NPC1: variants seen among roughly 807,000 people sequenced by gnomAD.
The protein encoded by NPC1 is NPC intracellular cholesterol transporter 1.
NPC1 carries 85 observed loss-of-function variants against 140.4 expected under a neutral mutation model. The observed-to-expected ratio is 0.61, with a 90% confidence interval of 0.51 to 0.72. The LOEUF is 0.72. NPC1 is among the 30% of genes least tolerant of loss of function. The pLI is 0.00. For missense variants in NPC1, 1,504 were observed against 1,623.8 expected (o/e 0.93, Z 1.27); for synonymous variants, 656 against 624.8 (o/e 1.05, Z -0.74).
chr18:23,519,160 C>T (rs781241792), downstream of NPC1: 2 of 1,613,908 alleles, frequency 1.2e-6, no homozygotes, highest in South Asian at 2.2e-5. Flanking sequence ...AGTCGTGCAT[C>T]ATCAGGATAC....
At chr18:23,515,775 C>T (rs975808974) in intron 3 of NPC1, 42 of 1,546,218 alleles carry the variant, frequency 2.7e-5, no homozygotes, top group East Asian at 4.5e-5. Flanking sequence ...TCAGGTGATC[C>T]GCCCACCTTA....
intron 4 of NPC1, among the ~76,000 whole-genome samples, chr18:23,566,597 TAC>T (rs113221621): frequency 4.4e-5 from 6 of 136,960 alleles, no homozygotes; most frequent in East Asian, 2.3e-4. Flanking sequence ...ATAAAATACT[TAC>T]ACACACACAC....
chr18:23,571,667 AAT>A (rs1330869750), intron 3 of NPC1, among the ~76,000 whole-genome samples: 3 of 136,482 alleles, frequency 2.2e-5, no homozygotes, highest in African/African-American at 5.6e-5. Flanking sequence ...AAAAAAAAAA[AAT>A]AAAGAAAAAC....
At chr18:23,571,697 G>A (rs1451195503) in intron 3 of NPC1, among the ~76,000 whole-genome samples, 2 of 151,066 alleles carry the variant, frequency 1.3e-5, no homozygotes. Flanking sequence ...AAATTAGCTA[G>A]ACATGGTAGT....
intron 5 of NPC1, among the ~76,000 whole-genome samples, chr18:23,561,116 A>G (rs2059032193): frequency 6.6e-6 from 1 of 152,150 alleles, no homozygotes; most frequent in Admixed American, 6.5e-5. Flanking sequence ...GACCCACGCA[A>G]TCCTCCTGCC....
At chr18:23,532,416 A>G (rs2058542596) in intron 24 of NPC1, 132 bp from the exon 25 acceptor site, 2 of 921,192 alleles carry the variant, frequency 2.2e-6, no homozygotes, top group Admixed American at 1.8e-5. Flanking sequence ...AGCCTGGACA[A>G]CAGAGTGAGA....
In NPC1 at chr18:23,532,288, TGA is replaced by T. The variant is rs760529810; in HGVS notation, c.3755-6_3755-5del. 55 of 1,613,848 alleles carry T rather than the reference TGA, an allele frequency of 3.4e-5. No homozygotes were observed. The African/African-American group carries it at 3.6e-4, about 11-fold the overall frequency. ...TTGGCTTTATTTACTGATGGCCCTA[TGA>T]GAGAGAGAGACTTTTTCTTATTTCT... is the stretch of plus-strand genomic sequence containing the variant. On this transcript the variant is annotated splice_polypyrimidine_tract_variant and splice_region_variant and intron_variant, in intron 24 of 24. Coordinates refer to ENST00000269228, the MANE Select transcript of NPC1 (RefSeq NM_000271.5).
rs1278709702 is a variant in NPC1 at position 23,540,437 on chromosome 18, A to G, written c.2604+11T>C. ...GAAGTTAAAAAAAAAAAAAAAAGGA[A>G]GTCATCTTACATCTGGCATCGAAAG... On this transcript the variant is annotated intron_variant, in intron 17 of 24. Coordinates refer to ENST00000269228, the MANE Select transcript of NPC1 (RefSeq NM_000271.5). 5.3e-6 allele frequency: 8 copies of G among 1,517,362 alleles called. No homozygotes were observed. Among genetic ancestry groups the G allele is most frequent in the Non-Finnish European group, 7.3e-6 (8 of 1,101,810 alleles). 94.0% of individuals were successfully genotyped at this position (1,517,362 alleles called of 1,614,324 possible). A position where few individuals can be genotyped will look rare whatever the true frequency, so the allele number is the denominator to read the frequency against.
intron 16 of NPC1, 107 bp downstream of exon 16, chr18:23,540,961 T>C: frequency 7.5e-7 from 1 of 1,327,916 alleles, no homozygotes; most frequent in Non-Finnish European, 1.1e-6. Flanking sequence ...TTTAGATACA[T>C]TTTAACAGCT....
chr18:23,570,079 ACTCT>A (rs991017209), intron 3 of NPC1, among the ~76,000 whole-genome samples: 5 of 152,282 alleles, frequency 3.3e-5, no homozygotes, highest in South Asian at 2.1e-4. Context: ...AGAAGCACAG[ACTCT>A]CTTTCTTTCA....
rs60274895 is a variant in NPC1, at chr18:23,564,350, T to C, written c.464-2823A>G. ...TATACAATTTGCAAATATATTCTTG[T>C]CCTTTTTTTTGAGACAGAGTCTCAC... On this transcript the variant is annotated intron_variant, in intron 4 of 24. Transcript: ENST00000269228. 1.1e-4 allele frequency among the ~76,000 whole-genome samples: 16 copies of C among 151,838 alleles called. No homozygotes were observed. In the East Asian group the frequency reaches 2.9e-3, roughly 28 times the overall value.
At chr18:23,575,108 C>G (rs931207774) in intron 1 of NPC1, among the ~76,000 whole-genome samples, 2 of 152,232 alleles carry the variant, frequency 1.3e-5, no homozygotes, top group African/African-American at 4.8e-5. Context: ...GCCTCAGGGG[C>G]ACTCTGGCTG....
At chr18:23,533,608 G>A (rs2058576512) in intron 23 of NPC1, 91 bp from the exon 24 acceptor site, 1 of 1,270,950 alleles carries the variant, frequency 7.9e-7, no homozygotes, top group African/African-American at 1.5e-5. Flanking sequence ...CCAGGTTCAA[G>A]TGATTCTCCT....
downstream of NPC1, chr18:23,529,045 T>C (rs372928584): frequency 7.8e-6 from 11 of 1,414,252 alleles, no homozygotes; most frequent in African/African-American, 1.4e-4. Flanking sequence ...GAAAAAGTTG[T>C]ATCTAAGTAG....
downstream of NPC1, chr18:23,520,229 C>T (rs780368046): frequency 2.5e-5 from 40 of 1,613,910 alleles, no homozygotes; most frequent in Middle Eastern, 1.6e-4. Flanking sequence ...TATCAAGTTA[C>T]GGGGAGAGTT....
chr18:23,531,455 G>A lies in NPC1; in HGVS notation c.*747C>T. On this transcript the variant is annotated 3_prime_UTR_variant, in exon 25 of 25. Coordinates refer to ENST00000269228, the MANE Select transcript of NPC1 (RefSeq NM_000271.5). Reference sequence around the variant, plus strand: ...GGTTAGATAGAATCTCTTCCATTTAGCTTTTGTATTTGTCTCTCAAAGCAG... The same window carrying A: ...GGTTAGATAGAATCTCTTCCATTTAACTTTTGTATTTGTCTCTCAAAGCAG... 7.5e-7 allele frequency: 1 copy of A among 1,337,226 alleles called. No individual in the cohort carries two copies. Among genetic ancestry groups the A allele is most frequent in the Non-Finnish European group, 9.8e-7 (1 of 1,016,984 alleles). 82.8% of individuals were successfully genotyped at this position (1,337,226 alleles called of 1,614,324 possible).
At chr18:23,527,960 C>T (rs1220377832), downstream of NPC1, 1 of 1,364,470 alleles carries the variant, frequency 7.3e-7, no homozygotes, top group African/African-American at 1.5e-5. Context: ...CGGGTATTTT[C>T]TAAGTAATTA....
At chr18:23,525,774 C>CT (rs2058281693), downstream of NPC1, among the ~76,000 whole-genome samples, 4 of 152,262 alleles carry the variant, frequency 2.6e-5, no homozygotes, top group East Asian at 5.8e-4. Context: ...CCCTGTGTCT[C>CT]TAATACCTCG....
At chr18:23,583,160 AGAT>A (rs1201349366) in intron 1 of NPC1, among the ~76,000 whole-genome samples, 1 of 150,580 alleles carries the variant, frequency 6.6e-6, no homozygotes, top group Non-Finnish European at 1.5e-5. Context: ...CCACATTTGT[AGAT>A]GATATTGGAG....
Sources: allele counts gnomAD v4.1 joint callset (sites outside exome capture counted in the v4.1 genomes callset), GRCh38; gene constraint gnomAD v4.1.1; transcripts MANE v1.5; gene names NCBI Gene and HGNC (gene_info 2026-07-23, HGNC 2026-07-21).